GSE1: variants seen among roughly 807,000 people sequenced by gnomAD.
GSE1 encodes genetic suppressor element 1.
GSE1 carries 32 observed loss-of-function variants against 112.6 expected under a neutral mutation model. The observed-to-expected ratio is 0.28, with a 90% CI of 0.21 to 0.38. GSE1 has a LOEUF of 0.38. GSE1 is among the 10% of genes least tolerant of loss of function. The pLI, the probability that GSE1 is intolerant of heterozygous loss-of-function variation, is 1.00. For synonymous variants in GSE1, 1,115 were observed against 735.6 expected (o/e 1.52, Z -8.35); for missense variants, 2,348 against 1,699.2 (o/e 1.38, Z -6.71).
At chr16:85,203,726 A>G (rs1174826174) in intron 1 of GSE1, among the ~76,000 whole-genome samples, 1 of 152,180 alleles carries the variant, frequency 6.6e-6, no homozygotes, top group Non-Finnish European at 1.5e-5. Context: ...GGCCACCACC[A>G]TAGTCAGTTT....
At chr16:85,178,274 G>C (rs922154176) in intron 1 of GSE1, among the ~76,000 whole-genome samples, 4 of 152,024 alleles carry the variant, frequency 2.6e-5, no homozygotes, top group Non-Finnish European at 5.9e-5. Context: ...CCGTGTAGGG[G>C]CCATGTGCTC....
At chr16:85,383,094 A>T (rs561438036) in intron 2 of GSE1, among the ~76,000 whole-genome samples, 1 of 151,894 alleles carries the variant, frequency 6.6e-6, no homozygotes, top group African/African-American at 2.4e-5. Flanking sequence ...CTTAGTGCAC[A>T]AGCATGCCTG....
At chr16:85,240,829 G>A (rs2143927978) in intron 1 of GSE1, among the ~76,000 whole-genome samples, 1 of 152,298 alleles carries the variant, frequency 6.6e-6, no homozygotes, top group African/African-American at 2.4e-5. Flanking sequence ...GGGGGTCCCA[G>A]GTAATTATGA....
chr16:85,674,325 C>G lies in GSE1; in HGVS notation c.*1786C>G, dbSNP rs747103851. Reference sequence around the variant, plus strand: ...CTGCCAAGAATCTTCCAGTTATTAGCAAACTCAGACGAATGTACCGCCAGT... The same window carrying G: ...CTGCCAAGAATCTTCCAGTTATTAGGAAACTCAGACGAATGTACCGCCAGT... On this transcript the variant is annotated 3_prime_UTR_variant, in exon 16 of 16. Coordinates refer to ENST00000253458, the MANE Select transcript of GSE1 (RefSeq NM_014615.5). The G allele has an allele frequency of 6.6e-6, 1 of 152,298 alleles. No individual in the cohort carries two copies. The highest frequency in any genetic ancestry group is 1.5e-5 in the Non-Finnish European group (1 of 68,074). The allele number at this position is 152,298 out of a possible 1,614,324, so 9.4% of individuals were successfully genotyped here.
At chr16:85,202,110 G>C (rs569426720) in intron 1 of GSE1, among the ~76,000 whole-genome samples, 6 of 152,194 alleles carry the variant, frequency 3.9e-5, no homozygotes, top group Admixed American at 6.5e-5. Context: ...GCCGGCTTAG[G>C]AAGTGCTCCC....
intron 2 of GSE1, among the ~76,000 whole-genome samples, chr16:85,461,359 C>G (rs2049962221): frequency 1.3e-5 from 2 of 152,208 alleles, no homozygotes; most frequent in Non-Finnish European, 2.9e-5. Flanking sequence ...GGGACAACCC[C>G]CACTCCCCCT....
intron 2 of GSE1, among the ~76,000 whole-genome samples, chr16:85,393,928 C>A (rs543812402): frequency 3.3e-5 from 5 of 152,220 alleles, no homozygotes; most frequent in South Asian, 2.1e-4. Flanking sequence ...GATGCAGGCC[C>A]ACTGGGGCGG....
chr16:85,518,460 C>G (rs115650137), intron 2 of GSE1, among the ~76,000 whole-genome samples: 3 of 152,050 alleles, frequency 2.0e-5, no homozygotes, highest in African/African-American at 7.3e-5. Flanking sequence ...GAAACCGAGG[C>G]GCAGAAGTAA....
rs563860378 is a variant in GSE1, at chr16:85,668,151, G to C, written c.3142G>C (p.Val1048Leu). 6.9e-6 allele frequency: 11 copies of C among 1,586,556 alleles called. No individual in the cohort carries two copies. In the Admixed American group the frequency reaches 1.9e-4, roughly 27 times the overall value. ...ALQKHKGSVA[V>L]LSAEQNHKVD... The stretch of plus-strand genomic sequence containing the variant: ...TGTCCCCTCCACAGGGAGCGTGGCT[G>C]TGCTGTCTGCAGAGCAGAACCACAA... The change falls in exon 14 of 16, where the codon GTG becomes CTG. Residue 1048 changes from valine (V) to leucine (L), a missense_variant. Physicochemically the swap from Val to Leu is conservative, Grantham distance 32. Coordinates refer to ENST00000253458, the MANE Select transcript of GSE1 (RefSeq NM_014615.5).
chr16:85,231,415 GAT>G (rs1904285099), intron 1 of GSE1, among the ~76,000 whole-genome samples: 1 of 149,854 alleles, frequency 6.7e-6, no homozygotes, highest in East Asian at 2.0e-4. Context: ...CAGAGGGATG[GAT>G]GGATGGATGG....
intron 1 of GSE1, chr16:85,594,678 C>T (rs2047146337): frequency 1.3e-5 from 2 of 152,274 alleles, no homozygotes; most frequent in Non-Finnish European, 2.9e-5. Context: ...CAGGTTTCTT[C>T]CTCTGTAACA....
At chr16:85,383,093 C>G (rs542063673) in intron 2 of GSE1, among the ~76,000 whole-genome samples, 1 of 151,734 alleles carries the variant, frequency 6.6e-6, no homozygotes, top group African/African-American at 2.4e-5. Flanking sequence ...CCTTAGTGCA[C>G]AAGCATGCCT....
intron 13 of GSE1, among the ~76,000 whole-genome samples, chr16:85,667,079 C>G (rs2052925415): frequency 6.6e-6 from 1 of 152,258 alleles, no homozygotes; most frequent in African/African-American, 2.4e-5. Context: ...TTGGTATTCA[C>G]AGGAGGTTCT....
intron 1 of GSE1, among the ~76,000 whole-genome samples, chr16:85,567,315 T>G (rs1028555281): frequency 5.9e-5 from 9 of 152,132 alleles, no homozygotes; most frequent in Admixed American, 2.0e-4. Context: ...CCAGCTGCTG[T>G]GCGTTGGAAA....
intron 1 of GSE1, among the ~76,000 whole-genome samples, chr16:85,235,328 A>G (rs1212457271): frequency 6.6e-6 from 1 of 150,492 alleles, no homozygotes; most frequent in African/African-American, 2.5e-5. Flanking sequence ...CCAGGCGAAG[A>G]GGGGTTGGTT....
intron 1 of GSE1, among the ~76,000 whole-genome samples, chr16:85,267,155 C>T (rs1469545195): frequency 3.3e-5 from 5 of 152,300 alleles, no homozygotes; most frequent in South Asian, 2.1e-4. Context: ...ATCGGAGCAG[C>T]GGCGGTGGCT....
intron 1 of GSE1, among the ~76,000 whole-genome samples, chr16:85,177,241 G>A (rs1361019437): frequency 6.6e-6 from 1 of 152,242 alleles, no homozygotes; most frequent in Admixed American, 6.5e-5. Flanking sequence ...CCTCTGCTTA[G>A]ATCTCTCAGG....
chr16:85,422,724 T>C (rs2048879362), intron 2 of GSE1, among the ~76,000 whole-genome samples: 2 of 152,040 alleles, frequency 1.3e-5, no homozygotes, highest in South Asian at 2.1e-4. Context: ...CAGAAGCCGC[T>C]TGGGGACTTG....
chr16:85,640,157 G>T (rs1312167814), intron 2 of GSE1, among the ~76,000 whole-genome samples: 2 of 152,286 alleles, frequency 1.3e-5, no homozygotes, highest in African/African-American at 4.8e-5. Context: ...AGGGAGCTGG[G>T]GTTGGGCGCA....
Sources: allele counts gnomAD v4.1 joint callset (sites outside exome capture counted in the v4.1 genomes callset), GRCh38; gene constraint gnomAD v4.1.1; transcripts MANE v1.5; gene names NCBI Gene and HGNC (gene_info 2026-07-23, HGNC 2026-07-21).